The following DDX24 variants were observed in gnomAD, a reference collection of about 807,000 sequenced individuals.
DDX24 encodes ATP-dependent RNA helicase DDX24.
In DDX24, 24 loss-of-function variants were observed where a neutral mutation model predicts 68.9. The ratio of observed to expected loss-of-function variants is 0.35; its 90% confidence interval spans 0.25 to 0.49. DDX24 has a LOEUF of 0.49. DDX24 is among the 20% of genes least tolerant of loss of function. The pLI, the probability that DDX24 is intolerant of heterozygous loss-of-function variation, is 0.99. For missense variants in DDX24, 989 were observed against 1,039.0 expected, an observed-to-expected ratio of 0.95 and a Z score of 0.66; for synonymous variants, 395 against 385.2, an observed-to-expected ratio of 1.03 and a Z score of -0.30.
rs183380698 is a variant in DDX24, at chr14:94,062,531, G to A, written c.809C>T (p.Thr270Ile). 4.3e-6 allele frequency: 7 copies of A among 1,614,060 alleles called. No individual in the cohort carries two copies. The highest frequency in any genetic ancestry group is 1.6e-4 in the Middle Eastern group (1 of 6,076). ...TCTGGTCTCTCCAGGTGGTGCTTCG[G>A]TGTTACTTGGAGGAGGGGCAGCATT... ...KRNAAPPPSN[T>I]EAPPGETRTE... The change falls in exon 3 of 9, where the codon ACC becomes ATC. Residue 270 changes from threonine to isoleucine, a missense_variant. Transcript: ENST00000621632.
chr14:94,060,124 G>A lies in DDX24; in HGVS notation c.1887C>T (p.Asn629=). Residue 629 remains asparagine (N), a synonymous_variant, in exon 5 of 9, where the codon AAC becomes AAT. Transcript: ENST00000621632. ...ACMHQKQRLR[N]LEQFARLEDC... is the part of the protein sequence containing the mutation. ...CTTCCAGACGGGCAAACTGCTCCAG[G>A]TTTCTGAGCCTCTGCTTCTGGTGCA... 4 of 1,613,380 alleles carry A rather than the reference G, an allele frequency of 2.5e-6. No homozygotes were observed. The highest frequency in any genetic ancestry group is 3.4e-6 in the Non-Finnish European group (4 of 1,179,400).
Position 94,060,196 on chromosome 14 carries a change from C to G in DDX24, c.1815G>C (p.Gly605=). The part of the protein sequence containing the change: ...NSISCIKRLS[G]LLKVLDIMPL... ...GCATGATATCAAGGACTTTGAGGAG[C>G]CCAGAGAGGCGTTTGATGCAGGAGA... The change falls in exon 5 of 9, where the codon GGG becomes GGC. Residue 605 remains glycine, a synonymous_variant. Transcript: ENST00000621632. The G allele has an allele frequency of 6.2e-7, 1 of 1,614,138 alleles. No individual in the cohort carries two copies. Among genetic ancestry groups the G allele is most frequent in the Non-Finnish European group, 8.5e-7 (1 of 1,180,050 alleles).
chr14:94,051,521 C>T, intron 8 of DDX24, 59 bp from the exon 9 acceptor site: 1 of 1,495,254 alleles, frequency 6.7e-7, no homozygotes. Context: ...CATTTTGTTT[C>T]CCTTGATGGG....
chr14:94,079,781 G>A (rs1478692784), intron 1 of DDX24, 34 bp from the exon 2 acceptor site: 1 of 1,582,620 alleles, frequency 6.3e-7, no homozygotes, highest in Non-Finnish European at 8.6e-7. Flanking sequence ...TTAGGTTGGT[G>A]TCTGAGAAGC....
rs764569373 is a variant in DDX24, at chr14:94,079,641, A to T, written c.102T>A (p.Ile34=). Reference sequence around the variant, plus strand: ...GTCCATCTGCAAACATATTTGGGTCAATCTTCACTTCCTTCCATTTTCCCA... The same window carrying T: ...GTCCATCTGCAAACATATTTGGGTCTATCTTCACTTCCTTCCATTTTCCCA... ...KVVGKWKEVK[I]DPNMFADGQM... is the part of the protein sequence containing the mutation. The change falls in exon 2 of 9, where the codon ATT becomes ATA. Residue 34 remains isoleucine, a synonymous_variant. Coordinates refer to ENST00000621632, the MANE Select transcript of DDX24 (RefSeq NM_020414.4). 1 of 1,614,148 alleles carries T rather than the reference A, an allele frequency of 6.2e-7. No homozygotes were observed. The highest frequency in any genetic ancestry group is 1.7e-5 in the Admixed American group (1 of 60,030).
chr14:94,061,379 C>A (rs905842771), intron 3 of DDX24, among the ~76,000 whole-genome samples: 3 of 152,158 alleles, frequency 2.0e-5, no homozygotes, highest in South Asian at 2.1e-4. Context: ...AGCACTGGGG[C>A]ACCATAATGC....
Position 94,053,705 on chromosome 14 carries a change from T to C in DDX24, c.2179-578A>G, listed in dbSNP as rs1386405210. Among the ~76,000 whole-genome samples the C allele has an allele frequency of 5.3e-5, 8 of 152,240 alleles. No individual in the cohort carries two copies. The East Asian group carries it at 7.7e-4, about 15-fold the overall frequency. On this transcript the variant is annotated intron_variant, in intron 7 of 8. Transcript: ENST00000621632. ...GGCGCATGCCTGTAATCCCAGCTAC[T>C]TGGGAGGCTGAGGCAGGAGAATCAC...
Position 94,049,065 on chromosome 14 carries a change from C to T in DDX24, c.*2126G>A, listed in dbSNP as rs112083293. The T allele has an allele frequency of 0.055, 8,318 of 152,308 alleles. 297 individuals carry two copies. The highest frequency in any genetic ancestry group is 0.17 in the Middle Eastern group (49 of 294). 9.4% of individuals were successfully genotyped at this position (152,308 alleles called of 1,614,324 possible). A position where few individuals can be genotyped will look rare whatever the true frequency, so the allele number is the denominator to read the frequency against. On this transcript the variant is annotated 3_prime_UTR_variant, in exon 9 of 9. Transcript: ENST00000621632. ...GTTTAATGGCAGATCCAGGACACTC[C>T]GGAAGCTCTGCCCACCAACTTCACC...
intron 2 of DDX24, among the ~76,000 whole-genome samples, chr14:94,063,738 C>A (rs1885642382): frequency 1.3e-5 from 2 of 151,846 alleles, no homozygotes; most frequent in South Asian, 4.2e-4. Context: ...TAGTGAGACT[C>A]CCATCTTTAA....
At chr14:94,060,761 C>T in intron 4 of DDX24, 148 bp from the exon 5 acceptor site, 1 of 1,453,730 alleles carries the variant, frequency 6.9e-7, no homozygotes, top group Non-Finnish European at 9.3e-7. Context: ...AACTAATCTC[C>T]CTCATGCACT....
chr14:94,077,495 T>C (rs1164358067), intron 2 of DDX24, among the ~76,000 whole-genome samples: 1 of 152,246 alleles, frequency 6.6e-6, no homozygotes, highest in Non-Finnish European at 1.5e-5. Flanking sequence ...CTGGAATCCA[T>C]ACACTACCAT....
At chr14:94,058,472 T>C (rs1346690595) in intron 5 of DDX24, among the ~76,000 whole-genome samples, 4 of 152,214 alleles carry the variant, frequency 2.6e-5, no homozygotes, top group South Asian at 2.1e-4. Flanking sequence ...TTAGGATCAC[T>C]TGGCAGACTG....
chr14:94,076,492 C>A (rs956792949), intron 2 of DDX24, among the ~76,000 whole-genome samples: 1 of 151,934 alleles, frequency 6.6e-6, no homozygotes, highest in African/African-American at 2.4e-5. Flanking sequence ...ACCAGCCTGA[C>A]CAACATAGTG....
intron 8 of DDX24, among the ~76,000 whole-genome samples, chr14:94,052,029 C>T (rs1437036374): frequency 6.6e-6 from 1 of 152,276 alleles, no homozygotes; most frequent in African/African-American, 2.4e-5. Context: ...AAGCCAGGGC[C>T]TCCACATCTT....
At chr14:94,063,666 T>C (rs1051697447) in intron 2 of DDX24, among the ~76,000 whole-genome samples, 2 of 152,076 alleles carry the variant, frequency 1.3e-5, no homozygotes, top group Non-Finnish European at 2.9e-5. Context: ...TGGTGGCTCA[T>C]GCCTGTAATC....
At chr14:94,069,334 C>G (rs1885781519) in intron 2 of DDX24, among the ~76,000 whole-genome samples, 1 of 151,980 alleles carries the variant, frequency 6.6e-6, no homozygotes, top group South Asian at 2.1e-4. Context: ...ATACCCTGAA[C>G]AGACCAATAA....
chr14:94,064,923 C>T (rs1452397241), intron 2 of DDX24, among the ~76,000 whole-genome samples: 1 of 152,148 alleles, frequency 6.6e-6, no homozygotes, highest in Non-Finnish European at 1.5e-5. Context: ...GACACTAGCT[C>T]CAGGTAGATA....
Position 94,079,184 on chromosome 14 carries a change from G to C in DDX24, c.559C>G (p.Gln187Glu), listed in dbSNP as rs2141438826. The change falls in exon 2 of 9, where the codon CAG becomes GAG. Residue 187 changes from glutamine (Q) to glutamate (E), a missense_variant. This residue lies in a region of DDX24 where 295 missense variants were observed against 263.0 expected (regional missense o/e 1.12). Transcript: ENST00000621632. ...TTCCAAGCTGACACATCTGCTTTCT[G>C]ATCATGAACTTCAGGAATCCATGTC... ...AKTWIPEVHD[Q>E]KADVSAWKDL... The C allele has an allele frequency of 6.2e-7, 1 of 1,614,214 alleles. No individual in the cohort carries two copies. The highest frequency in any genetic ancestry group is 8.5e-7 in the Non-Finnish European group (1 of 1,180,042).
chr14:94,070,363 C>T (rs1334079382), intron 2 of DDX24, among the ~76,000 whole-genome samples: 1 of 151,874 alleles, frequency 6.6e-6, no homozygotes, highest in Non-Finnish European at 1.5e-5. Flanking sequence ...AAATCACAGA[C>T]AACAGAAACA....
Sources: gnomAD v4.1 joint callset for allele counts (sites outside exome capture counted in the v4.1 genomes callset) on GRCh38, gnomAD v4.1.1 for gene constraint, gnomAD v4.1.1 regional missense constraint, MANE v1.5 for transcripts, NCBI Gene and HGNC (gene_info 2026-07-23, HGNC 2026-07-21) for gene names.